The following PLEKHG3 variants were observed in gnomAD, a reference collection of about 807,000 sequenced individuals.
PLEKHG3 encodes the protein pleckstrin homology domain-containing family G member 3.
A neutral mutation model predicts 94.9 loss-of-function variants in PLEKHG3; 62 were observed. The observed-to-expected ratio is 0.65, with a 90% CI of 0.53 to 0.81. The LOEUF is 0.81. Ranked by LOEUF, PLEKHG3 falls within the 30% of genes least tolerant of loss-of-function variation. The probability of loss-of-function intolerance (pLI) is 0.00; values close to 1 mark genes in which losing one functional copy is unlikely to be tolerated. For missense variants in PLEKHG3, 1,461 were observed against 1,619.3 expected (o/e 0.90, Z 1.68); for synonymous variants, 614 against 654.0 (o/e 0.94, Z 0.93).
At chr14:64,724,272 C>G (rs978328284) in intron 1 of PLEKHG3, among the ~76,000 whole-genome samples, 1 of 152,008 alleles carries the variant, frequency 6.6e-6, no homozygotes, top group African/African-American at 2.4e-5. Flanking sequence ...GCCTCTTATC[C>G]GTCACCATCA....
chr14:64,750,109 G>A lies in PLEKHG3; in HGVS notation c.*6406G>A, dbSNP rs2081921823. The A allele has an allele frequency of 1.9e-6, 3 of 1,614,164 alleles. No homozygotes were observed. The South Asian group carries it at 3.3e-5, about 18-fold the overall frequency. On this transcript the variant is annotated 3_prime_UTR_variant, in exon 17 of 17. Coordinates refer to ENST00000247226, the MANE Select transcript of PLEKHG3 (RefSeq NM_001308147.2). ...CCAGGTTCTTGGCATCCTTGTAGAA[G>A]GTTAGCTCACTGTTCCTGAGCACAC...
Position 64,749,127 on chromosome 14 carries a change from G to A in PLEKHG3, c.*5424G>A. 2 of 645,922 alleles carry A rather than the reference G, an allele frequency of 3.1e-6. No homozygotes were observed. The highest frequency in any genetic ancestry group is 5.0e-6 in the Non-Finnish European group (2 of 401,492). The allele number at this position is 645,922 out of a possible 1,614,324, so 40.0% of individuals were successfully genotyped here. ...CAGCGCGGGCGAGGGCATGGAGGGG[G>A]CGTCGGCCCAGGACACGCGGGCGAA... is the stretch of plus-strand genomic sequence containing the variant. On this transcript the variant is annotated 3_prime_UTR_variant, in exon 17 of 17. Coordinates refer to ENST00000247226, the MANE Select transcript of PLEKHG3 (RefSeq NM_001308147.2). The surrounding 1 kb of genome is among the most constrained non-coding windows in gnomAD (Gnocchi z 4.7).
rs1156535713 is a variant in PLEKHG3, at chr14:64,728,776, T to A, written c.352-220T>A. Among the ~76,000 whole-genome samples the A allele has an allele frequency of 6.6e-6, 1 of 152,186 alleles. No homozygotes were observed. Among genetic ancestry groups the A allele is most frequent in the East Asian group, 1.9e-4 (1 of 5,200 alleles). On this transcript the variant is annotated intron_variant, in intron 2 of 16. Coordinates refer to ENST00000247226, the MANE Select transcript of PLEKHG3 (RefSeq NM_001308147.2). This position sits in a 1 kb window ranked among gnomAD's most constrained non-coding sequence, Gnocchi z 5.9. ...CCACCCTAAATCCTATCTGAAGTCATCTTGAGATCCTTAACTAATGGCATC... is the reference window on the plus strand; with the variant it reads ...CCACCCTAAATCCTATCTGAAGTCAACTTGAGATCCTTAACTAATGGCATC...
At position 64,726,426 on chromosome 14, in the gene PLEKHG3, G is replaced by A. The variant is rs114479812; in HGVS notation, c.-39-1167G>A. ...GAACTTACTGTTTTCCTGTGAAATA[G>A]CAATGAAATGTGTACTCTGCAAAGT... On this transcript the variant is annotated intron_variant, in intron 1 of 16. Coordinates refer to ENST00000247226, the MANE Select transcript of PLEKHG3 (RefSeq NM_001308147.2). This position sits in a 1 kb window ranked among gnomAD's most constrained non-coding sequence, Gnocchi z 5.1. 4.9e-3 allele frequency among the ~76,000 whole-genome samples: 753 copies of A among 152,244 alleles called. 8 individuals carry two copies. Among genetic ancestry groups the A allele is most frequent in the African/African-American group, 0.017 (716 of 41,534 alleles).
Position 64,727,763 on chromosome 14 carries a change from T to G in PLEKHG3, c.132T>G (p.Ala44=). 2 of 1,610,448 alleles carry G rather than the reference T, an allele frequency of 1.2e-6. No homozygotes were observed. The highest frequency in any genetic ancestry group is 1.7e-6 in the Non-Finnish European group (2 of 1,178,156). The change falls in exon 2 of 17, where the codon GCT becomes GCG. Residue 44 remains alanine, a synonymous_variant. Coordinates refer to ENST00000247226, the MANE Select transcript of PLEKHG3 (RefSeq NM_001308147.2). This position sits in a 1 kb window ranked among gnomAD's most constrained non-coding sequence, Gnocchi z 6.0. Reference sequence around the variant, plus strand: ...TGGAGGAGCCCAGCAGCTCCGAGGCTCCCGCCAAGAATGGGGCAGGCTCCC... The same window carrying G: ...TGGAGGAGCCCAGCAGCTCCGAGGCGCCCGCCAAGAATGGGGCAGGCTCCC... ...SAMEEPSSSE[A]PAKNGAGSLR...
At position 64,721,250 on chromosome 14, in the gene PLEKHG3, A is replaced by G. The variant is rs964788524; in HGVS notation, c.-39-6343A>G. On this transcript the variant is annotated intron_variant, in intron 1 of 16. Transcript: ENST00000247226. The surrounding 1 kb of genome is among the most constrained non-coding windows in gnomAD (Gnocchi z 4.3). ...GGCAGAGGGTCTGGGGACACATTCC[A>G]GGTTTGGGAGACAACATGGGCACAT... Among the ~76,000 whole-genome samples, 6 of 152,118 alleles carry G rather than the reference A, an allele frequency of 3.9e-5. No homozygotes were observed. The highest frequency in any genetic ancestry group is 1.4e-4 in the African/African-American group (6 of 41,430).
chr14:64,743,763 T>C lies in PLEKHG3; in HGVS notation c.*60T>C, dbSNP rs1208009970. 7 of 1,487,842 alleles carry C rather than the reference T, an allele frequency of 4.7e-6. No homozygotes were observed. Among genetic ancestry groups the C allele is most frequent in the Non-Finnish European group, 8.9e-7 (1 of 1,123,340 alleles). The allele number at this position is 1,487,842 out of a possible 1,614,324, so 92.2% of individuals were successfully genotyped here. ...AGGTTGGGGAAGAACCTGGGCATCC[T>C]TCCCCTCAAGCCTGGGCTCATGGAG... On this transcript the variant is annotated 3_prime_UTR_variant, in exon 17 of 17. Coordinates refer to ENST00000247226, the MANE Select transcript of PLEKHG3 (RefSeq NM_001308147.2). The surrounding 1 kb of genome is among the most constrained non-coding windows in gnomAD (Gnocchi z 7.2).
intron 12 of PLEKHG3, among the ~76,000 whole-genome samples, 163 bp from the exon 13 acceptor site, chr14:64,736,690 C>G (rs113541231): frequency 0.011 from 1,693 of 152,254 alleles, 44 homozygotes; most frequent in African/African-American, 0.039. Context: ...AGGGGGCTCG[C>G]CGACACTGTG....
At chr14:64,724,452 C>T (rs976441647) in intron 1 of PLEKHG3, among the ~76,000 whole-genome samples, 2 of 152,180 alleles carry the variant, frequency 1.3e-5, no homozygotes, top group East Asian at 1.9e-4. Flanking sequence ...GGGCTTCTCT[C>T]GTCATCCAAG....
Position 64,730,190 on chromosome 14 carries a change from G to T in PLEKHG3, c.450-53G>T. 1.0e-6 allele frequency: 1 copy of T among 965,046 alleles called. No homozygotes were observed. The highest frequency in any genetic ancestry group is 1.6e-6 in the Non-Finnish European group (1 of 626,156). The allele number at this position is 965,046 out of a possible 1,614,324, so 59.8% of individuals were successfully genotyped here. A position where few individuals can be genotyped will look rare whatever the true frequency, so the allele number is the denominator to read the frequency against. ...GGGAGGTTGGGGAGGGGGCAGTGAGGGGCATTGTCCTCTGACTGCAGAGGG... is the reference window on the plus strand; with the variant it reads ...GGGAGGTTGGGGAGGGGGCAGTGAGTGGCATTGTCCTCTGACTGCAGAGGG... On this transcript the variant is annotated intron_variant, in intron 3 of 16. Transcript: ENST00000247226. This position sits in a 1 kb window ranked among gnomAD's most constrained non-coding sequence, Gnocchi z 5.4.
rs781235072 is a variant in PLEKHG3 at position 64,743,180 on chromosome 14, G to A, written c.3137G>A (p.Ser1046Asn). 5 of 1,610,690 alleles carry A rather than the reference G, an allele frequency of 3.1e-6. No individual in the cohort carries two copies. The South Asian group carries it at 5.5e-5, about 18-fold the overall frequency. Residue 1046 changes from serine (S) to asparagine (N), a missense_variant, in exon 17 of 17, where the codon AGC (serine) becomes AAC (asparagine). Physicochemically the swap from Ser to Asn is conservative, Grantham distance 46. Transcript: ENST00000247226. This position sits in a 1 kb window ranked among gnomAD's most constrained non-coding sequence, Gnocchi z 7.2. Reference sequence around the variant, plus strand: ...CCCCTCAGCCCCACAGAGACCTTCAGCTGGCCCGACGTCCGTGAGCTCTGC... The same window carrying A: ...CCCCTCAGCCCCACAGAGACCTTCAACTGGCCCGACGTCCGTGAGCTCTGC... ...RSPLSPTETF[S>N]WPDVRELCSK...
rs1329543069 is a variant in PLEKHG3, at chr14:64,715,971, T to A, written c.-40+11267T>A. The stretch of plus-strand genomic sequence containing the variant: ...GCGCTTTAATTCCCGAGGCTGTTGG[T>A]GGCAGCTCGCTGCTCACCCCAAGCC... On this transcript the variant is annotated intron_variant, in intron 1 of 16. Coordinates refer to ENST00000247226, the MANE Select transcript of PLEKHG3 (RefSeq NM_001308147.2). The surrounding 1 kb of genome is among the most constrained non-coding windows in gnomAD (Gnocchi z 4.4). 4 of 450,310 alleles carry A rather than the reference T, an allele frequency of 8.9e-6. No individual in the cohort carries two copies. The highest frequency in any genetic ancestry group is 1.3e-5 in the Non-Finnish European group (3 of 224,766). The allele number at this position is 450,310 out of a possible 1,614,324, so 27.9% of individuals were successfully genotyped here.
At chr14:64,737,134 A>G (rs1034114484) in intron 13 of PLEKHG3, 3 of 643,716 alleles carry the variant, frequency 4.7e-6, no homozygotes, top group African/African-American at 3.6e-5. Flanking sequence ...GAGCCGAGCA[A>G]CAGGCACAGA....
rs1594708145 is a variant in PLEKHG3, at chr14:64,738,661, G to A, written c.1405-81G>A. ...GCTCAGCCCAGCCCCTTGGGGCGTG[G>A]GAGGCACTGCCCGTGTTGGGATGCA... On this transcript the variant is annotated intron_variant, in intron 14 of 16. Transcript: ENST00000247226. This position sits in a 1 kb window ranked among gnomAD's most constrained non-coding sequence, Gnocchi z 4.8. The A allele has an allele frequency of 2.9e-6, 3 of 1,018,540 alleles. No individual in the cohort carries two copies. Among genetic ancestry groups the A allele is most frequent in the Admixed American group, 2.0e-5 (1 of 49,900 alleles). The allele number at this position is 1,018,540 out of a possible 1,614,324, so 63.1% of individuals were successfully genotyped here. A position where few individuals can be genotyped will look rare whatever the true frequency, so the allele number is the denominator to read the frequency against.
intron 12 of PLEKHG3, among the ~76,000 whole-genome samples, chr14:64,735,541 C>T (rs1241823561): frequency 1.3e-5 from 2 of 152,230 alleles, no homozygotes; most frequent in East Asian, 3.8e-4. Flanking sequence ...GCCTGGAAGG[C>T]AGAGGTTGCA....
rs771051965 is a variant in PLEKHG3 at position 64,732,222 on chromosome 14, G to C, written c.1212+41G>C. Reference sequence around the variant, plus strand: ...TCCTGACTGTGTGCAAGGAGAATGTGCTCCTCTGAGCCAGCTCTGCAAGGT... The same window carrying C: ...TCCTGACTGTGTGCAAGGAGAATGTCCTCCTCTGAGCCAGCTCTGCAAGGT... On this transcript the variant is annotated intron_variant, in intron 10 of 16. Coordinates refer to ENST00000247226, the MANE Select transcript of PLEKHG3 (RefSeq NM_001308147.2). The surrounding 1 kb of genome is among the most constrained non-coding windows in gnomAD (Gnocchi z 4.9). 1.3e-6 allele frequency: 2 copies of C among 1,541,148 alleles called. No homozygotes were observed. Among genetic ancestry groups the C allele is most frequent in the Non-Finnish European group, 1.8e-6 (2 of 1,113,558 alleles).
rs758439601 is a variant in PLEKHG3 at position 64,730,749 on chromosome 14, C to A, written c.567-50C>A. 1 of 1,612,594 alleles carries A rather than the reference C, an allele frequency of 6.2e-7. No individual in the cohort carries two copies. The highest frequency in any genetic ancestry group is 8.5e-7 in the Non-Finnish European group (1 of 1,178,780). ...TTGGTGAGTCCAGAGCCCCCCACTT[C>A]CTCATCCAGGCCTTCCCCAGGTGGT... On this transcript the variant is annotated intron_variant, in intron 5 of 16. Coordinates refer to ENST00000247226, the MANE Select transcript of PLEKHG3 (RefSeq NM_001308147.2). The surrounding 1 kb of genome is among the most constrained non-coding windows in gnomAD (Gnocchi z 5.4).
At position 64,715,404 on chromosome 14, in the gene PLEKHG3, TGAG is replaced by T. The variant is rs903327199; in HGVS notation, c.-40+10704_-40+10706del. ...TATGGCCCTGGGTACCAGAGTGTTG[TGAG>T]GAGATTATATAGAGAATGTGTTTTG... On this transcript the variant is annotated intron_variant, in intron 1 of 16. Transcript: ENST00000247226. This position sits in a 1 kb window ranked among gnomAD's most constrained non-coding sequence, Gnocchi z 4.4. 2.2e-4 allele frequency among the ~76,000 whole-genome samples: 33 copies of T among 152,060 alleles called. No individual in the cohort carries two copies. Among genetic ancestry groups the T allele is most frequent in the African/African-American group, 8.0e-4 (33 of 41,398 alleles).
In PLEKHG3 at chr14:64,731,411, C is replaced by T. The variant is rs201883084; in HGVS notation, c.900C>T (p.Tyr300=). 2.4e-5 allele frequency: 38 copies of T among 1,614,048 alleles called. No individual in the cohort carries two copies. The highest frequency in any genetic ancestry group is 2.0e-4 in the East Asian group (9 of 44,868). ...INWKGPDLTT[Y]GELVLEGTFR... ...GGAAGGGGCCCGACCTGACCACCTA[C>T]GGGGAGCTTGTCCTGGAGGGCACAT... Residue 300 remains tyrosine, a synonymous_variant, in exon 8 of 17, where the codon TAC becomes TAT. Coordinates refer to ENST00000247226, the MANE Select transcript of PLEKHG3 (RefSeq NM_001308147.2). This position sits in a 1 kb window ranked among gnomAD's most constrained non-coding sequence, Gnocchi z 6.1.
Sources: allele counts gnomAD v4.1 joint callset (sites outside exome capture counted in the v4.1 genomes callset), GRCh38; gene constraint gnomAD v4.1.1; non-coding constraint Gnocchi (gnomAD v3.1); transcripts MANE v1.5; gene names NCBI Gene and HGNC (gene_info 2026-07-23, HGNC 2026-07-21).